DCC: variants seen among roughly 807,000 people sequenced by gnomAD.
DCC encodes the protein DCC netrin 1 receptor, also known as netrin receptor DCC.
Under a neutral mutation model 172.5 loss-of-function variants are expected in DCC, and 58 were observed. That is an observed-to-expected ratio of 0.34 (90% CI 0.27 to 0.42). The LOEUF (loss-of-function observed/expected upper bound fraction) is 0.42, where lower values mean the gene tolerates loss of function less well. Among genes scored for constraint, DCC ranks in the 10% least tolerant of loss-of-function variants. The pLI is 1.00. For missense variants in DCC, 1,740 were observed against 1,791.0 expected, an observed-to-expected ratio of 0.97 and a Z score of 0.51; for synonymous variants, 709 against 644.5, an observed-to-expected ratio of 1.10 and a Z score of -1.52.
At chr18:53,487,044 C>A in intron 26 of DCC, 86 bp downstream of exon 26, 1 of 1,562,578 alleles carries the variant, frequency 6.4e-7, no homozygotes, top group South Asian at 1.1e-5. Flanking sequence ...TGACCTTATC[C>A]CTTAGAAAAG....
chr18:53,218,456 C>T (rs1395423534), intron 12 of DCC, among the ~76,000 whole-genome samples: 1 of 152,062 alleles, frequency 6.6e-6, no homozygotes, highest in Non-Finnish European at 1.5e-5. Flanking sequence ...AGTCTTTACA[C>T]ATCTAGATAA....
chr18:52,997,820 C>T (rs919955105), intron 5 of DCC, among the ~76,000 whole-genome samples: 2 of 151,936 alleles, frequency 1.3e-5, no homozygotes, highest in Admixed American at 1.3e-4. Context: ...TCATTTGCTC[C>T]TGTGTGTCTT....
At chr18:52,507,831 T>G (rs559147393) in intron 1 of DCC, among the ~76,000 whole-genome samples, 1 of 152,314 alleles carries the variant, frequency 6.6e-6, no homozygotes, top group Admixed American at 6.5e-5. Context: ...CCAGGCACAG[T>G]GGCTTATACC....
chr18:52,636,020 C>G (rs1156930703), intron 1 of DCC, among the ~76,000 whole-genome samples: 1 of 152,118 alleles, frequency 6.6e-6, no homozygotes, highest in African/African-American at 2.4e-5. Flanking sequence ...ATACTGTGAG[C>G]GCCCCAACTG....
At chr18:53,365,323 T>C (rs1444314656) in intron 15 of DCC, among the ~76,000 whole-genome samples, 4 of 152,012 alleles carry the variant, frequency 2.6e-5, no homozygotes, top group Admixed American at 2.6e-4. Context: ...CAGTCTATCA[T>C]TGTCGGACAT....
chr18:53,311,955 G>A (rs943900201), intron 13 of DCC, among the ~76,000 whole-genome samples: 15 of 152,068 alleles, frequency 9.9e-5, no homozygotes, highest in Non-Finnish European at 2.1e-4. Flanking sequence ...AGTATTAAAA[G>A]GGATAGGAGA....
At chr18:53,129,723 A>G (rs1249814206) in intron 7 of DCC, among the ~76,000 whole-genome samples, 1 of 152,078 alleles carries the variant, frequency 6.6e-6, no homozygotes, top group Non-Finnish European at 1.5e-5. Flanking sequence ...GTATTTATCT[A>G]CTATCTACTA....
chr18:52,417,623 C>G (rs1213400996), intron 1 of DCC, among the ~76,000 whole-genome samples: 3 of 152,120 alleles, frequency 2.0e-5, no homozygotes, highest in African/African-American at 2.4e-5. Context: ...TCATTCATTT[C>G]ATCTTCCATC....
intron 8 of DCC, among the ~76,000 whole-genome samples, chr18:53,167,355 T>C (rs904002253): frequency 1.3e-5 from 2 of 152,180 alleles, no homozygotes; most frequent in Non-Finnish European, 2.9e-5. Context: ...CACTTGTAGA[T>C]ACAGGAGATT....
intron 2 of DCC, among the ~76,000 whole-genome samples, chr18:52,807,719 C>A (rs891508031): frequency 2.6e-5 from 4 of 152,056 alleles, no homozygotes. Flanking sequence ...TTACCAGATC[C>A]GTATATAATA....
At chr18:53,205,131 A>G (rs2055604035) in intron 9 of DCC, 85 bp from the exon 10 acceptor site, 1 of 1,051,540 alleles carries the variant, frequency 9.5e-7, no homozygotes, top group South Asian at 1.3e-5. Context: ...ATTGAACTGT[A>G]AAAATGTAAT....
At position 52,880,130 on chromosome 18, in the gene DCC, T is replaced by C. The variant is rs545491235; in HGVS notation, c.413-25914T>C. 2.8e-5 allele frequency among the ~76,000 whole-genome samples: 4 copies of C among 143,458 alleles called. No individual in the cohort carries two copies. The East Asian group carries it at 8.8e-4, about 32-fold the overall frequency. The allele number at this position is 143,458 out of a possible 152,430, so 94.1% of individuals were successfully genotyped here. A position where few individuals can be genotyped will look rare whatever the true frequency, so the allele number is the denominator to read the frequency against. ...ATCAAATACTAGGTCTTATTCATTC[T>C]TTTTTTTTTCTTTCTTTTTGAGACA... On this transcript the variant is annotated intron_variant, in intron 2 of 28. Coordinates refer to ENST00000442544, the MANE Select transcript of DCC (RefSeq NM_005215.4).
chr18:53,314,543 T>C (rs2057322137), intron 13 of DCC, among the ~76,000 whole-genome samples: 1 of 152,206 alleles, frequency 6.6e-6, no homozygotes, highest in African/African-American at 2.4e-5. Flanking sequence ...CCAACAAAAG[T>C]ATTCCTGCTT....
chr18:52,418,644 C>T (rs1987130559), intron 1 of DCC, among the ~76,000 whole-genome samples: 1 of 152,074 alleles, frequency 6.6e-6, no homozygotes, highest in Non-Finnish European at 1.5e-5. Context: ...CAGTCACAAG[C>T]AGTGGGTCCA....
chr18:52,600,558 C>A (rs1144099), intron 1 of DCC, among the ~76,000 whole-genome samples: 62,781 of 151,920 alleles, frequency 0.41, 13,283 homozygotes, highest in African/African-American at 0.51. Context: ...GGATTTTAAT[C>A]GAATTGCTTT....
At chr18:52,488,599 T>C (rs2030344949) in intron 1 of DCC, among the ~76,000 whole-genome samples, 1 of 152,112 alleles carries the variant, frequency 6.6e-6, no homozygotes, top group African/African-American at 2.4e-5. Flanking sequence ...TGAACTGGCA[T>C]TGAATTGACA....
intron 12 of DCC, among the ~76,000 whole-genome samples, chr18:53,241,129 T>C (rs1415693343): frequency 6.6e-6 from 1 of 152,070 alleles, no homozygotes; most frequent in Non-Finnish European, 1.5e-5. Flanking sequence ...GGAGAATGGA[T>C]GAGAGTGATC....
chr18:52,601,795 A>G (rs770509298), intron 1 of DCC, among the ~76,000 whole-genome samples: 13 of 152,034 alleles, frequency 8.6e-5, no homozygotes, highest in Non-Finnish European at 1.9e-4. Flanking sequence ...TTCTGGTCCA[A>G]TTTTGCTTCC....
chr18:52,453,003 C>T (rs1988352050), intron 1 of DCC, among the ~76,000 whole-genome samples: 1 of 152,216 alleles, frequency 6.6e-6, no homozygotes, highest in Non-Finnish European at 1.5e-5. Context: ...ATTTTGGGTG[C>T]AGCACTGTGT....
Sources: gnomAD v4.1 joint callset for allele counts (sites outside exome capture counted in the v4.1 genomes callset) on GRCh38, gnomAD v4.1.1 for gene constraint, MANE v1.5 for transcripts, NCBI Gene and HGNC (gene_info 2026-07-23, HGNC 2026-07-21) for gene names.